Variants in SGCZ observed in about 807,000 individuals in gnomAD.
SGCZ encodes zeta-sarcoglycan.
A neutral mutation model predicts 41.3 loss-of-function variants in SGCZ; 40 were observed. The ratio of observed to expected loss-of-function variants is 0.97; its 90% CI spans 0.75 to 1.26. SGCZ has a LOEUF of 1.26. SGCZ is among the 50% of genes most tolerant of loss of function. The pLI, the probability that SGCZ is intolerant of heterozygous loss-of-function variation, is 0.00. For missense variants in SGCZ, 552 were observed against 369.8 expected (o/e 1.49, Z -4.04); for synonymous variants, 206 against 137.5 (o/e 1.50, Z -3.49).
intron 2 of SGCZ, among the ~76,000 whole-genome samples, chr8:14,536,818 G>A (rs1049243896): frequency 6.6e-6 from 1 of 151,806 alleles, no homozygotes; most frequent in African/African-American, 2.4e-5. Context: ...GAAGATATAA[G>A]TGCCACAAAA....
At chr8:14,477,787 A>T (rs1248013248) in intron 2 of SGCZ, among the ~76,000 whole-genome samples, 1 of 152,226 alleles carries the variant, frequency 6.6e-6, no homozygotes, top group Admixed American at 6.5e-5. Context: ...CTGAAAAATC[A>T]TACCTCTGCC....
At chr8:14,655,792 G>A (rs906836301) in intron 1 of SGCZ, among the ~76,000 whole-genome samples, 3 of 152,022 alleles carry the variant, frequency 2.0e-5, no homozygotes, top group Non-Finnish European at 2.9e-5. Context: ...TTAACACTAA[G>A]CAACCAATAA....
rs546054345 is a variant in SGCZ, at chr8:15,029,518, G to A, written c.39+208067C>T. On this transcript the variant is annotated intron_variant, in intron 1 of 7. Coordinates refer to ENST00000382080, the MANE Select transcript of SGCZ (RefSeq NM_139167.4). ...AGTATGTTAACTACAATTTTGAAAC[G>A]ATTTCCCAGTGAATATTTAGTTAGT... 3.7e-4 allele frequency among the ~76,000 whole-genome samples: 57 copies of A among 152,100 alleles called. 1 individual carries two copies. Among genetic ancestry groups the A allele is most frequent in the Non-Finnish European group, 6.9e-4 (47 of 67,918 alleles).
intron 3 of SGCZ, among the ~76,000 whole-genome samples, chr8:14,285,206 A>G (rs908865317): frequency 6.6e-6 from 1 of 152,116 alleles, no homozygotes; most frequent in Non-Finnish European, 1.5e-5. Flanking sequence ...TGTTCCACAT[A>G]AAATATATGT....
intron 2 of SGCZ, among the ~76,000 whole-genome samples, chr8:14,541,194 T>A (rs1803455794): frequency 6.6e-6 from 1 of 152,018 alleles, no homozygotes; most frequent in African/African-American, 2.4e-5. Context: ...GTAGGTTCGT[T>A]ACATAGGTAT....
chr8:14,416,276 C>T (rs1480265467), intron 2 of SGCZ, among the ~76,000 whole-genome samples: 1 of 151,884 alleles, frequency 6.6e-6, no homozygotes, highest in Non-Finnish European at 1.5e-5. Context: ...AACTGAATTA[C>T]AGATGAATGT....
In SGCZ at chr8:14,157,286, CATATT is replaced by C. The variant is rs905549283; in HGVS notation, c.547+7289_547+7293del. 3.4e-5 allele frequency among the ~76,000 whole-genome samples: 5 copies of C among 146,290 alleles called. No individual in the cohort carries two copies. In the South Asian group the frequency reaches 1.1e-3, roughly 31 times the overall value. On this transcript the variant is annotated intron_variant, in intron 5 of 7. Transcript: ENST00000382080. ...TTTATATATATATAAAATGTATATA[CATATT>C]ATATTTAATATACAATATTATATGT...
chr8:15,152,436 AG>A (rs1456849875), intron 1 of SGCZ, among the ~76,000 whole-genome samples: 1 of 152,244 alleles, frequency 6.6e-6, no homozygotes, highest in Non-Finnish European at 1.5e-5. Flanking sequence ...TGGAGAAACA[AG>A]GTGTTAGAAC....
chr8:14,541,089 T>A (rs57557941), intron 2 of SGCZ, among the ~76,000 whole-genome samples: 37,469 of 150,634 alleles, frequency 0.25, 4,779 homozygotes, highest in Middle Eastern at 0.41. Context: ...ACACAACACA[T>A]ACACACACAT....
At chr8:14,926,807 A>C (rs1799767394) in intron 1 of SGCZ, among the ~76,000 whole-genome samples, 1 of 151,698 alleles carries the variant, frequency 6.6e-6, no homozygotes, top group African/African-American at 2.4e-5. Context: ...CACCCAGCTA[A>C]TTTTTTTACT....
At chr8:14,362,449 A>C (rs1803558486) in intron 2 of SGCZ, among the ~76,000 whole-genome samples, 1 of 152,286 alleles carries the variant, frequency 6.6e-6, no homozygotes, top group Non-Finnish European at 1.5e-5. Flanking sequence ...GGTGGATCTC[A>C]GACTGCTGCA....
intron 1 of SGCZ, among the ~76,000 whole-genome samples, chr8:14,867,025 T>C (rs1447683322): frequency 6.6e-6 from 1 of 152,108 alleles, no homozygotes; most frequent in Non-Finnish European, 1.5e-5. Context: ...CTGTAGGAGC[T>C]AAAATTTCAC....
At chr8:14,811,518 CTTTTTTTT>C (rs71209087) in intron 1 of SGCZ, among the ~76,000 whole-genome samples, 1 of 49,748 alleles carries the variant, frequency 2.0e-5, no homozygotes, top group African/African-American at 7.7e-5. Flanking sequence ...GACACTGCAT[CTTTTTTTT>C]TTTTTTTTTT....
chr8:14,707,216 A>T (rs1809362068), intron 1 of SGCZ, among the ~76,000 whole-genome samples: 1 of 118,140 alleles, frequency 8.5e-6, no homozygotes, highest in Non-Finnish European at 1.6e-5. Flanking sequence ...CCAGTGTGTG[A>T]TGTTCCCCTT....
chr8:14,831,287 A>G lies in SGCZ; in HGVS notation c.40-276361T>C, dbSNP rs143220206. On this transcript the variant is annotated intron_variant, in intron 1 of 7. Coordinates refer to ENST00000382080, the MANE Select transcript of SGCZ (RefSeq NM_139167.4). ...TTGAGGACAGAAGGTGTTCTTTGAT[A>G]TAGTACATGGAAACATATTGCTTCA... Among the ~76,000 whole-genome samples the G allele has an allele frequency of 1.5e-4, 23 of 152,322 alleles. 1 individual carries two copies. The East Asian group carries it at 3.3e-3, about 22-fold the overall frequency.
intron 4 of SGCZ, among the ~76,000 whole-genome samples, chr8:14,200,729 C>A (rs981098710): frequency 6.6e-6 from 1 of 152,006 alleles, no homozygotes; most frequent in East Asian, 1.9e-4. Flanking sequence ...GTCTTTGTGA[C>A]CTTGAGTGAG....
intron 1 of SGCZ, among the ~76,000 whole-genome samples, chr8:14,968,691 C>T (rs1801196712): frequency 6.6e-6 from 1 of 151,988 alleles, no homozygotes; most frequent in South Asian, 2.1e-4. Context: ...ATACAGCTAC[C>T]TTGAGAAAAT....
chr8:14,134,114 A>G (rs948972817), intron 5 of SGCZ, among the ~76,000 whole-genome samples: 3 of 152,236 alleles, frequency 2.0e-5, no homozygotes, highest in African/African-American at 7.2e-5. Context: ...TACGAGCATA[A>G]CAATTGACAA....
intron 4 of SGCZ, 25 bp downstream of exon 4, chr8:14,237,567 G>A (rs201384246): frequency 1.9e-6 from 3 of 1,601,468 alleles, no homozygotes; most frequent in East Asian, 4.5e-5. Flanking sequence ...CACAGTAGGA[G>A]CAATCTTTAC....
Sources: gnomAD v4.1 joint callset for allele counts (sites outside exome capture counted in the v4.1 genomes callset) on GRCh38, gnomAD v4.1.1 for gene constraint, MANE v1.5 for transcripts, NCBI Gene and HGNC (gene_info 2026-07-23, HGNC 2026-07-21) for gene names.